TTC28: variants seen among roughly 807,000 people sequenced by gnomAD.
The protein encoded by TTC28 is tetratricopeptide repeat protein 28.
A neutral mutation model predicts 198.0 loss-of-function variants in TTC28; 61 were observed. That is an observed-to-expected ratio of 0.31 (90% CI 0.25 to 0.38). The LOEUF is 0.38. TTC28 is among the 10% of genes least tolerant of loss of function. The pLI is 1.00. For missense variants in TTC28, 2,678 were observed against 3,164.0 expected, an observed-to-expected ratio of 0.85 and a Z score of 3.69; for synonymous variants, 1,171 against 1,297.8, an observed-to-expected ratio of 0.90 and a Z score of 2.10.
chr22:28,563,542 A>G (rs1336879467), intron 2 of TTC28, among the ~76,000 whole-genome samples: 2 of 152,194 alleles, frequency 1.3e-5, no homozygotes, highest in Non-Finnish European at 2.9e-5. Flanking sequence ...AGCACATGAA[A>G]TGATGTTCAA....
intron 2 of TTC28, among the ~76,000 whole-genome samples, chr22:28,358,373 T>A (rs1233325209): frequency 6.6e-6 from 1 of 152,178 alleles, no homozygotes; most frequent in African/African-American, 2.4e-5. Context: ...TTACTAGCTC[T>A]TTTTATCCAT....
chr22:28,299,488 A>T (rs1194134241), intron 3 of TTC28, among the ~76,000 whole-genome samples: 1 of 152,196 alleles, frequency 6.6e-6, no homozygotes, highest in Non-Finnish European at 1.5e-5. Flanking sequence ...ACCTGTCAAG[A>T]TTCAAGCCGT....
At chr22:28,390,940 G>A (rs1198211921) in intron 2 of TTC28, among the ~76,000 whole-genome samples, 5 of 152,104 alleles carry the variant, frequency 3.3e-5, no homozygotes, top group African/African-American at 7.2e-5. Context: ...TCCTAGCCTC[G>A]ATGGTCTACA....
chr22:28,514,297 A>C (rs1176163808), intron 2 of TTC28, among the ~76,000 whole-genome samples: 2 of 152,260 alleles, frequency 1.3e-5, no homozygotes, highest in East Asian at 3.8e-4. Flanking sequence ...TACAATGATT[A>C]GCAGTACGAG....
At chr22:28,193,370 TG>T (rs1925058193) in intron 5 of TTC28, among the ~76,000 whole-genome samples, 1 of 152,272 alleles carries the variant, frequency 6.6e-6, no homozygotes, top group South Asian at 2.1e-4. Flanking sequence ...AGGAAGAAAC[TG>T]CATCAACTAA....
At chr22:28,545,143 T>C (rs911391668) in intron 2 of TTC28, among the ~76,000 whole-genome samples, 16 of 152,170 alleles carry the variant, frequency 1.1e-4, no homozygotes, top group African/African-American at 3.9e-4. Context: ...CACTTATTAG[T>C]AATAGTGAAT....
chr22:28,456,790 G>A (rs2047867041), intron 2 of TTC28, among the ~76,000 whole-genome samples: 1 of 152,130 alleles, frequency 6.6e-6, no homozygotes, highest in Non-Finnish European at 1.5e-5. Context: ...TGGCCAGGAT[G>A]GTCTCAATCT....
intron 6 of TTC28, among the ~76,000 whole-genome samples, chr22:28,112,517 A>C (rs559403717): frequency 2.0e-4 from 31 of 152,184 alleles, no homozygotes; most frequent in Non-Finnish European, 3.8e-4. Context: ...TGCAGACAAG[A>C]GTAAGAAGAG....
chr22:28,009,399 G>A (rs1280892857), intron 14 of TTC28, among the ~76,000 whole-genome samples: 3 of 152,270 alleles, frequency 2.0e-5, no homozygotes, highest in Non-Finnish European at 4.4e-5. Flanking sequence ...GTGATTCACA[G>A]TCTTGGACTT....
intron 2 of TTC28, among the ~76,000 whole-genome samples, chr22:28,469,318 G>C (rs16986469): frequency 2.0e-5 from 3 of 152,162 alleles, no homozygotes; most frequent in African/African-American, 7.2e-5. Flanking sequence ...TCAGAAAAAG[G>C]GAGAACCACG....
intron 2 of TTC28, among the ~76,000 whole-genome samples, chr22:28,345,736 T>A (rs1271042875): frequency 4.6e-5 from 7 of 152,252 alleles, no homozygotes; most frequent in African/African-American, 1.7e-4. Context: ...GAAGGCATAT[T>A]ATATTGGTTT....
intron 2 of TTC28, among the ~76,000 whole-genome samples, chr22:28,568,306 T>G (rs1028151542): frequency 2.0e-5 from 3 of 152,190 alleles, no homozygotes; most frequent in Non-Finnish European, 4.4e-5. Flanking sequence ...TGCACAATAA[T>G]GTGAATATGG....
intron 5 of TTC28, among the ~76,000 whole-genome samples, chr22:28,248,019 T>C (rs528513173): frequency 6.6e-6 from 1 of 152,348 alleles, no homozygotes; most frequent in South Asian, 2.1e-4. Context: ...AACAATATCA[T>C]AGTGTGATAA....
chr22:28,655,870 A>C (rs1034397064), intron 1 of TTC28, among the ~76,000 whole-genome samples: 9 of 151,774 alleles, frequency 5.9e-5, no homozygotes, highest in Non-Finnish European at 1.3e-4. Flanking sequence ...AAAAAAAAAA[A>C]AAAACTTCCC....
intron 5 of TTC28, among the ~76,000 whole-genome samples, chr22:28,273,878 A>G (rs1932246643): frequency 6.6e-6 from 1 of 152,208 alleles, no homozygotes; most frequent in African/African-American, 2.4e-5. Flanking sequence ...TAACAACAAC[A>G]ACATTGAGAT....
intron 12 of TTC28, among the ~76,000 whole-genome samples, chr22:28,066,275 CGTGTGTGTGT>C (rs796325170): frequency 3.7e-5 from 5 of 135,600 alleles, no homozygotes; most frequent in Admixed American, 7.1e-5. Flanking sequence ...ACCTAGTTAC[CGTGTGTGTGT>C]GTGTGTGTGT....
chr22:27,985,738 C>G (rs1167746931), intron 21 of TTC28: 1 of 167,102 alleles, frequency 6.0e-6, no homozygotes, highest in Non-Finnish European at 1.3e-5. Flanking sequence ...CTGGCCACTC[C>G]ATTCAGCATT....
chr22:28,588,540 A>G (rs975898214), intron 2 of TTC28, among the ~76,000 whole-genome samples: 15 of 152,244 alleles, frequency 9.9e-5, no homozygotes, highest in African/African-American at 3.4e-4. Context: ...TACTGGAAGC[A>G]GACACCACTT....
intron 2 of TTC28, among the ~76,000 whole-genome samples, chr22:28,629,004 GGGTTA>G (rs2051124181): frequency 6.6e-6 from 1 of 151,936 alleles, no homozygotes; most frequent in Admixed American, 6.6e-5. Flanking sequence ...AAGAAACTAG[GGGTTA>G]GGTTAGGAGT....
Sources: gnomAD v4.1 joint callset for allele counts (sites outside exome capture counted in the v4.1 genomes callset) on GRCh38, gnomAD v4.1.1 for gene constraint, MANE v1.5 for transcripts, NCBI Gene and HGNC (gene_info 2026-07-23, HGNC 2026-07-21) for gene names.